HPSE2: variants seen among roughly 807,000 people sequenced by gnomAD.
HPSE2 encodes the protein inactive heparanase-2.
A neutral mutation model predicts 60.5 loss-of-function variants in HPSE2; 38 were observed. The ratio of observed to expected loss-of-function variants is 0.63; its 90% CI spans 0.48 to 0.82. The LOEUF is 0.82. Among genes scored for constraint, HPSE2 ranks in the 40% least tolerant of loss-of-function variants. HPSE2 has a pLI of 0.00. For missense variants in HPSE2, 713 were observed against 740.4 expected (o/e 0.96, Z 0.43); for synonymous variants, 295 against 293.2 (o/e 1.01, Z -0.06).
chr10:99,153,575 G>C (rs1362844210), intron 2 of HPSE2, among the ~76,000 whole-genome samples: 13 of 151,344 alleles, frequency 8.6e-5, no homozygotes, highest in Admixed American at 7.9e-4. Flanking sequence ...CAAACAGAAA[G>C]GACATCCACA....
chr10:98,852,113 A>ATATATATGTGTGTGTGTGTGTG (rs779720749), intron 3 of HPSE2, among the ~76,000 whole-genome samples: 35 of 91,936 alleles, frequency 3.8e-4, no homozygotes, highest in Non-Finnish European at 5.3e-4. Flanking sequence ...GTATATTATG[A>ATATATATGTGTGTGTGTGTGTG]TGTGTGTGTG....
At chr10:98,965,898 T>A in intron 3 of HPSE2, among the ~76,000 whole-genome samples, 1 of 152,004 alleles carries the variant, frequency 6.6e-6, no homozygotes. Context: ...CTTTTTTTTT[T>A]CTTTTTTTTG....
intron 3 of HPSE2, among the ~76,000 whole-genome samples, chr10:98,937,439 G>A (rs1216634987): frequency 4.8e-5 from 7 of 144,350 alleles, no homozygotes; most frequent in East Asian, 3.9e-4. Context: ...ATTATATCCC[G>A]CACATGGCTT....
chr10:99,149,644 T>A (rs890006429), intron 2 of HPSE2, among the ~76,000 whole-genome samples: 1 of 152,156 alleles, frequency 6.6e-6, no homozygotes. Flanking sequence ...AATAATAACA[T>A]CACATTGTAA....
chr10:98,719,032 C>G lies in HPSE2; in HGVS notation c.956+2625G>C, dbSNP rs534451969. The stretch of plus-strand genomic sequence containing the variant: ...ATGTATCAATAAAATTTTTTAAAAA[C>G]TTAGACATTGGTATAGTTTCATAAA... On this transcript the variant is annotated intron_variant, in intron 5 of 11. Transcript: ENST00000370552. Among the ~76,000 whole-genome samples the G allele has an allele frequency of 3.3e-5, 5 of 152,122 alleles. No homozygotes were observed. The South Asian group carries it at 1.0e-3, about 32-fold the overall frequency.
chr10:99,009,241 A>C (rs1011502005), intron 3 of HPSE2, among the ~76,000 whole-genome samples: 270 of 8,772 alleles, frequency 0.031, 1 homozygote, highest in South Asian at 0.076. Context: ...CAGTGTCTAC[A>C]AAAAAAAAAA....
chr10:99,265,626 A>G, the HPSE2 span, among the ~76,000 whole-genome samples: 1 of 152,222 alleles, frequency 6.6e-6, no homozygotes, highest in Non-Finnish European at 1.5e-5. Flanking sequence ...AATGGTGGAT[A>G]TGAGGCAGGA....
chr10:99,306,861 G>T, the HPSE2 span, among the ~76,000 whole-genome samples: 1 of 151,990 alleles, frequency 6.6e-6, no homozygotes, highest in Non-Finnish European at 1.5e-5. Context: ...CAGGCATGCG[G>T]CACCATGCCC....
chr10:98,863,110 G>C (rs1952499390), intron 3 of HPSE2, among the ~76,000 whole-genome samples: 1 of 152,050 alleles, frequency 6.6e-6, no homozygotes, highest in African/African-American at 2.4e-5. Flanking sequence ...ATTCCCCCAG[G>C]AATGAAACAT....
At chr10:99,233,809 T>C (rs909473443) in intron 1 of HPSE2, among the ~76,000 whole-genome samples, 1 of 152,074 alleles carries the variant, frequency 6.6e-6, no homozygotes, top group Non-Finnish European at 1.5e-5. Flanking sequence ...CGCGTGGGCC[T>C]ACTGTGGCAA....
rs546693220 is a variant in HPSE2 at position 98,871,006 on chromosome 10, C to T, written c.611-126950G>A. On this transcript the variant is annotated intron_variant, in intron 3 of 11. Transcript: ENST00000370552. ...TCTCTTGCCCTCTCTCACCACGGGA[C>T]GCACTGGCTCCCTTTCCCTTCTGCC... is the stretch of plus-strand genomic sequence containing the variant. 6.6e-5 allele frequency among the ~76,000 whole-genome samples: 10 copies of T among 151,788 alleles called. No individual in the cohort carries two copies. In the South Asian group the frequency reaches 1.3e-3, roughly 19 times the overall value.
chr10:98,762,363 T>A (rs72835001), intron 3 of HPSE2, among the ~76,000 whole-genome samples: 2,275 of 151,682 alleles, frequency 0.015, 31 homozygotes, highest in African/African-American at 0.03. Context: ...TGAGGAAAAG[T>A]CTCTTAAATC....
intron 3 of HPSE2, among the ~76,000 whole-genome samples, chr10:98,960,727 TTTTTTTTATTTTA>T (rs1955645907): frequency 1.1e-3 from 16 of 14,688 alleles, no homozygotes; most frequent in African/African-American, 4.3e-3. Context: ...TTTTGTTTTA[TTTTTTTTATTTTA>T]TTTTTTTTTT....
chr10:99,081,654 A>T (rs1043814652), intron 3 of HPSE2, among the ~76,000 whole-genome samples: 1 of 149,672 alleles, frequency 6.7e-6, no homozygotes, highest in Non-Finnish European at 1.5e-5. Context: ...TTTTTTTTTT[A>T]AAGACGGAAT....
intron 3 of HPSE2, among the ~76,000 whole-genome samples, chr10:99,094,031 G>C (rs1843611924): frequency 6.6e-6 from 1 of 151,894 alleles, no homozygotes; most frequent in Non-Finnish European, 1.5e-5. Flanking sequence ...AATTATCTGT[G>C]ACTCCAAATT....
At chr10:99,090,333 A>G (rs1381346936) in intron 3 of HPSE2, among the ~76,000 whole-genome samples, 1 of 152,210 alleles carries the variant, frequency 6.6e-6, no homozygotes, top group East Asian at 1.9e-4. Context: ...GGTCATTATT[A>G]TATTCTGCAG....
At chr10:98,769,880 T>G (rs1000604015) in intron 3 of HPSE2, among the ~76,000 whole-genome samples, 24 of 152,192 alleles carry the variant, frequency 1.6e-4, no homozygotes, top group African/African-American at 5.5e-4. Flanking sequence ...TATGCACTAT[T>G]CATATTGATC....
chr10:99,277,139 C>G, the HPSE2 span, among the ~76,000 whole-genome samples: 6 of 152,206 alleles, frequency 3.9e-5, no homozygotes, highest in African/African-American at 1.2e-4. Context: ...ATTTATCACC[C>G]GTTCAAATCA....
the HPSE2 span, among the ~76,000 whole-genome samples, chr10:99,280,996 C>T: frequency 6.6e-6 from 1 of 151,948 alleles, no homozygotes; most frequent in Non-Finnish European, 1.5e-5. Flanking sequence ...ACTTTCTGTA[C>T]CTCAAATCTC....
Sources: gnomAD v4.1 joint callset for allele counts (sites outside exome capture counted in the v4.1 genomes callset) on GRCh38, gnomAD v4.1.1 for gene constraint, MANE v1.5 for transcripts, NCBI Gene and HGNC (gene_info 2026-07-23, HGNC 2026-07-21) for gene names.